The following RNF17 variants were observed in gnomAD, a reference collection of about 807,000 sequenced individuals.
RNF17 encodes the protein spermatogenesis associated 23.
In RNF17, 31 loss-of-function variants were observed where a neutral mutation model predicts 200.5. The ratio of observed to expected loss-of-function variants is 0.15; its 90% CI spans 0.12 to 0.21. RNF17 has a LOEUF of 0.21. Ranked by LOEUF, RNF17 falls within the 10% of genes least tolerant of loss-of-function variation. The probability of loss-of-function intolerance (pLI) is 1.00; values close to 1 mark genes in which losing one functional copy is unlikely to be tolerated. For missense variants in RNF17, 1,628 were observed against 1,905.1 expected, an observed-to-expected ratio of 0.85 and a Z score of 2.71; for synonymous variants, 606 against 637.8, an observed-to-expected ratio of 0.95 and a Z score of 0.75.
At chr13:24,819,288 T>C (rs1049228130) in intron 15 of RNF17, among the ~76,000 whole-genome samples, 1 of 152,324 alleles carries the variant, frequency 6.6e-6, no homozygotes. Flanking sequence ...ACAGAATTTG[T>C]CTTTCTGTGA....
At chr13:24,887,457 A>T in the RNF17 span, among the ~76,000 whole-genome samples, 1 of 152,176 alleles carries the variant, frequency 6.6e-6, no homozygotes, top group Non-Finnish European at 1.5e-5. Context: ...CAGCAGTGGC[A>T]TTAGATTCTC....
chr13:24,832,952 C>T (rs1889577564), intron 18 of RNF17, among the ~76,000 whole-genome samples: 2 of 152,112 alleles, frequency 1.3e-5, no homozygotes, highest in Non-Finnish European at 2.9e-5. Flanking sequence ...TACTTTGTTG[C>T]TCAGGCCAGT....
intron 2 of RNF17, among the ~76,000 whole-genome samples, chr13:24,768,736 A>G (rs180824273): frequency 6.6e-6 from 1 of 152,070 alleles, no homozygotes; most frequent in Admixed American, 6.6e-5. Context: ...CTCATTTGTG[A>G]GATGGATATA....
At chr13:24,834,799 A>G (rs1889788577) in intron 18 of RNF17, among the ~76,000 whole-genome samples, 1 of 152,184 alleles carries the variant, frequency 6.6e-6, no homozygotes, top group Non-Finnish European at 1.5e-5. Context: ...ACTTGGTAAC[A>G]ATTTGAACAG....
At chr13:24,807,256 G>C (rs954365004) in intron 15 of RNF17, among the ~76,000 whole-genome samples, 9 of 151,734 alleles carry the variant, frequency 5.9e-5, no homozygotes, top group Non-Finnish European at 8.8e-5. Context: ...CTAGTTTACA[G>C]TCCCACCAAC....
At chr13:24,799,030 G>A (rs1200750911) in intron 11 of RNF17, among the ~76,000 whole-genome samples, 1 of 152,270 alleles carries the variant, frequency 6.6e-6, no homozygotes, top group Non-Finnish European at 1.5e-5. Context: ...AAGACAGATG[G>A]TCTTGCTTGT....
intron 9 of RNF17, among the ~76,000 whole-genome samples, chr13:24,790,048 C>T (rs1049192920): frequency 2.0e-5 from 3 of 151,724 alleles, no homozygotes; most frequent in African/African-American, 4.8e-5. Flanking sequence ...GATAAATGTC[C>T]GAGAAATTAC....
At chr13:24,750,475 C>T in the RNF17 span, among the ~76,000 whole-genome samples, 1 of 152,210 alleles carries the variant, frequency 6.6e-6, no homozygotes, top group African/African-American at 2.4e-5. Flanking sequence ...TACACATTTC[C>T]ACCCCAGCCC....
intron 18 of RNF17, among the ~76,000 whole-genome samples, chr13:24,838,652 G>A (rs1392745327): frequency 6.6e-6 from 1 of 152,044 alleles, no homozygotes; most frequent in African/African-American, 2.4e-5. Context: ...CAGGAATTTG[G>A]CATACAAGGG....
chr13:24,839,795 G>GA (rs1241379278), intron 18 of RNF17, among the ~76,000 whole-genome samples: 80 of 152,136 alleles, frequency 5.3e-4, no homozygotes, highest in Admixed American at 4.7e-3. Context: ...GATACCGTTG[G>GA]AAAAACCTTT....
chr13:24,811,993 G>T (rs1886702815), intron 15 of RNF17, among the ~76,000 whole-genome samples: 1 of 151,968 alleles, frequency 6.6e-6, no homozygotes, highest in Admixed American at 6.6e-5. Flanking sequence ...GAGGCAGTCT[G>T]CCCATTCTCA....
chr13:24,821,181 A>AT (rs1323440116), intron 15 of RNF17, among the ~76,000 whole-genome samples: 2 of 152,060 alleles, frequency 1.3e-5, no homozygotes, highest in African/African-American at 2.4e-5. Context: ...CTCCTTGTAT[A>AT]TTTGTCTGTA....
chr13:24,819,248 A>G (rs1292552841), intron 15 of RNF17, among the ~76,000 whole-genome samples: 3 of 152,214 alleles, frequency 2.0e-5, no homozygotes, highest in East Asian at 3.9e-4. Flanking sequence ...GAATTTTACT[A>G]TGTTAGATAC....
chr13:24,876,000 A>G (rs1894817535), intron 33 of RNF17, among the ~76,000 whole-genome samples: 1 of 152,200 alleles, frequency 6.6e-6, no homozygotes, highest in South Asian at 2.1e-4. Flanking sequence ...TACCTAAATC[A>G]TTAGGCATCC....
intron 22 of RNF17, among the ~76,000 whole-genome samples, chr13:24,845,913 GAAAGA>G (rs1891210237): frequency 6.6e-6 from 1 of 152,096 alleles, no homozygotes; most frequent in Non-Finnish European, 1.5e-5. Context: ...TGGAGCAAAG[GAAAGA>G]AAAGATCCAG....
chr13:24,832,745 G>A (rs769058979), intron 18 of RNF17, among the ~76,000 whole-genome samples: 4 of 151,802 alleles, frequency 2.6e-5, no homozygotes, highest in Non-Finnish European at 5.9e-5. Context: ...AATCTGGTTT[G>A]GTTTTTTTGT....
chr13:24,865,754 A>T (rs1893549298), intron 29 of RNF17, among the ~76,000 whole-genome samples: 1 of 152,094 alleles, frequency 6.6e-6, no homozygotes, highest in South Asian at 2.1e-4. Context: ...TTTTTCTTTA[A>T]AGCAGAGGTG....
the RNF17 span, among the ~76,000 whole-genome samples, chr13:24,747,958 C>G: frequency 3.3e-5 from 5 of 152,320 alleles, no homozygotes; most frequent in African/African-American, 1.2e-4. Flanking sequence ...AGCCTCGGCC[C>G]GGTACCGGCG....
chr13:24,781,983 T>C, intron 6 of RNF17, 39 bp downstream of exon 6: 1 of 1,228,948 alleles, frequency 8.1e-7, no homozygotes, highest in Non-Finnish European at 1.2e-6. Context: ...GAAACTGAAG[T>C]TTCTAACACT....
Sources: allele counts gnomAD v4.1 joint callset (sites outside exome capture counted in the v4.1 genomes callset), GRCh38; gene constraint gnomAD v4.1.1; transcripts MANE v1.5; gene names NCBI Gene and HGNC (gene_info 2026-07-23, HGNC 2026-07-21).